UGDH: variants seen among roughly 807,000 people sequenced by gnomAD.
UGDH encodes the protein UDP-glucose 6-dehydrogenase, also known as UDP-Glc dehydrogenase.
A neutral mutation model predicts 50.6 loss-of-function variants in UGDH; 38 were observed. The ratio of observed to expected loss-of-function variants is 0.75; its 90% CI spans 0.58 to 0.98. UGDH has a LOEUF of 0.98. Among genes scored for constraint, UGDH ranks in the 50% least tolerant of loss-of-function variants. UGDH has a pLI of 0.00. For missense variants in UGDH, 465 were observed against 606.2 expected (o/e 0.77, Z 2.45); for synonymous variants, 168 against 199.9 (o/e 0.84, Z 1.35).
In UGDH at chr4:39,510,811, A is replaced by C; in HGVS notation, c.315T>G (p.Asp105Glu). Residue 105 changes from aspartate to glutamate, a missense_variant, in exon 4 of 12, where the codon GAT becomes GAG. Transcript: ENST00000316423. ...TAGCACAAGCTTCAATATACTTCAG[A>C]TCTGCTGCCCGGCCTTTCCCCATTC... Reference protein sequence around the residue: ...TYGMGKGRAADLKYIEACARR... With the variant: ...TYGMGKGRAAELKYIEACARR... The C allele has an allele frequency of 6.2e-7, 1 of 1,614,160 alleles. No homozygotes were observed. The highest frequency in any genetic ancestry group is 8.5e-7 in the Non-Finnish European group (1 of 1,180,036).
chr4:39,513,745 C>T (rs1313566588), intron 3 of UGDH, among the ~76,000 whole-genome samples: 1 of 149,398 alleles, frequency 6.7e-6, no homozygotes. Context: ...CCATGTTGGC[C>T]AGGATGGTCT....
intron 1 of UGDH, among the ~76,000 whole-genome samples, chr4:39,524,087 A>G (rs926750960): frequency 2.6e-5 from 4 of 152,192 alleles, no homozygotes; most frequent in Admixed American, 6.5e-5. Context: ...AACCCAGTAT[A>G]TCTAGAATAC....
intron 7 of UGDH, among the ~76,000 whole-genome samples, chr4:39,506,622 G>A (rs1578266179): frequency 6.6e-6 from 1 of 152,168 alleles, no homozygotes; most frequent in African/African-American, 2.4e-5. Flanking sequence ...AATGTTATAA[G>A]AGTCTCTGAT....
At position 39,510,317 on chromosome 4, in the gene UGDH, T is replaced by A. The variant is rs551600129; in HGVS notation, c.663+36A>T. 6 of 1,602,130 alleles carry A rather than the reference T, an allele frequency of 3.7e-6. No homozygotes were observed. The South Asian group carries it at 5.5e-5, about 15-fold the overall frequency. ...GGCTTGAAATAAATAAATATTTGGC[T>A]TTAATTTAATGAAGAGTTGAATGCT... On this transcript the variant is annotated intron_variant, in intron 5 of 11. Transcript: ENST00000316423.
At position 39,503,847 on chromosome 4, in the gene UGDH, A is replaced by G. The variant is rs142519584; in HGVS notation, c.1374+28T>C. 9.3e-5 allele frequency: 149 copies of G among 1,598,238 alleles called. No homozygotes were observed. The African/African-American group carries it at 1.8e-3, about 20-fold the overall frequency. ...CAAACACTAAAGACCAAACAAAAAGAAAAAAAACAATCCAGGATCATGATT... is the reference window on the plus strand; with the variant it reads ...CAAACACTAAAGACCAAACAAAAAGGAAAAAAACAATCCAGGATCATGATT... On this transcript the variant is annotated intron_variant, in intron 11 of 11. Coordinates refer to ENST00000316423, the MANE Select transcript of UGDH (RefSeq NM_003359.4).
chr4:39,509,892 G>T lies in UGDH; in HGVS notation c.679C>A (p.Leu227Ile). The T allele has an allele frequency of 6.3e-7, 1 of 1,580,138 alleles. No homozygotes were observed. Residue 227 changes from leucine (L) to isoleucine (I), a missense_variant, in exon 6 of 12, where the codon CTT (leucine) becomes ATT (isoleucine). Leu to Ile is a conservative substitution (Grantham distance 5, BLOSUM62 2). Coordinates refer to ENST00000316423, the MANE Select transcript of UGDH (RefSeq NM_003359.4). Reference sequence around the variant, plus strand: ...TTAATGCTGCTTATTCTCTGGGCAAGAAAAGCATTTGCTGCCTTAAAAAAA... The same window carrying T: ...TTAATGCTGCTTATTCTCTGGGCAATAAAAGCATTTGCTGCCTTAAAAAAA... ...ELSKLAANAF[L>I]AQRISSINSI...
At chr4:39,503,221 G>A (rs1745895175) in intron 11 of UGDH, among the ~76,000 whole-genome samples, 1 of 151,884 alleles carries the variant, frequency 6.6e-6, no homozygotes, top group African/African-American at 2.4e-5. Flanking sequence ...AGCAATTTTT[G>A]TATTTGTTAA....
At position 39,521,025 on chromosome 4, in the gene UGDH, G is replaced by A. The variant is rs1258793190; in HGVS notation, c.162+326C>T. Among the ~76,000 whole-genome samples, 13 of 145,910 alleles carry A rather than the reference G, an allele frequency of 8.9e-5. No individual in the cohort carries two copies. In the East Asian group the frequency reaches 2.6e-3, roughly 29 times the overall value. ...GTGGGTGTTGCCGTGAGCTGAGCTC[G>A]CGTCATTGCACTCCAGCCTGGGCGA... On this transcript the variant is annotated intron_variant, in intron 2 of 11. Transcript: ENST00000316423.
At position 39,505,717 on chromosome 4, in the gene UGDH, C is replaced by T. The variant is rs1317015589; in HGVS notation, c.938G>A (p.Arg313Lys). The change falls in exon 8 of 12, where the codon AGG becomes AAG. Residue 313 changes from arginine (R) to lysine (K), a missense_variant. Physicochemically the swap from Arg to Lys is conservative, Grantham distance 26 (BLOSUM62 2). Coordinates refer to ENST00000316423, the MANE Select transcript of UGDH (RefSeq NM_003359.4). ...ACTATCTATGATCCGGGAAGCAAACCTCCTCCTCTGGTAGTCATTCATGTC... is the reference window on the plus strand; with the variant it reads ...ACTATCTATGATCCGGGAAGCAAACTTCCTCCTCTGGTAGTCATTCATGTC... Reference protein sequence around the residue: ...VIDMNDYQRRRFASRIIDSLF... With the variant: ...VIDMNDYQRRKFASRIIDSLF... The T allele has an allele frequency of 2.1e-5, 34 of 1,608,748 alleles. No individual in the cohort carries two copies. Among genetic ancestry groups the T allele is most frequent in the Non-Finnish European group, 2.9e-5 (34 of 1,177,132 alleles).
chr4:39,515,508 A>T (rs187244735), intron 2 of UGDH, among the ~76,000 whole-genome samples: 21 of 152,078 alleles, frequency 1.4e-4, no homozygotes, highest in African/African-American at 5.1e-4. Context: ...TTAAAAAAAA[A>T]ATCCCAGTTT....
At chr4:39,514,339 C>T (rs1213933422) in intron 2 of UGDH, among the ~76,000 whole-genome samples, 155 bp from the exon 3 acceptor site, 2 of 152,160 alleles carry the variant, frequency 1.3e-5, no homozygotes, top group Non-Finnish European at 2.9e-5. Flanking sequence ...AGTTAAGGAT[C>T]ATATACCAAA....
intron 2 of UGDH, among the ~76,000 whole-genome samples, chr4:39,518,900 G>A (rs1746536041): frequency 1.3e-5 from 2 of 152,138 alleles, no homozygotes; most frequent in Admixed American, 1.3e-4. Flanking sequence ...ATTCTGATGG[G>A]TGTCATTATT....
intron 3 of UGDH, among the ~76,000 whole-genome samples, chr4:39,511,371 C>G (rs576776606): frequency 2.6e-5 from 4 of 151,856 alleles, no homozygotes; most frequent in Non-Finnish European, 5.9e-5. Flanking sequence ...AGCGATTCTC[C>G]TGCCTCAGCC....
intron 3 of UGDH, among the ~76,000 whole-genome samples, chr4:39,513,355 A>G (rs1746315736): frequency 6.6e-6 from 1 of 152,158 alleles, no homozygotes. Context: ...TCTAACCAAC[A>G]TATGCCAAGT....
intron 3 of UGDH, among the ~76,000 whole-genome samples, chr4:39,511,265 C>CTT (rs200878844): frequency 0.013 from 1,833 of 141,626 alleles, 33 homozygotes; most frequent in African/African-American, 0.044. Context: ...GTTTTAAAGT[C>CTT]TTTTTTTTTT....
At chr4:39,514,030 T>C in intron 3 of UGDH, 53 bp downstream of exon 3, 1 of 1,426,052 alleles carries the variant, frequency 7.0e-7, no homozygotes, top group East Asian at 2.3e-5. Context: ...ATGATGAAAC[T>C]TTTATATAGA....
At chr4:39,512,302 TA>T (rs1403765711) in intron 3 of UGDH, among the ~76,000 whole-genome samples, 2 of 152,274 alleles carry the variant, frequency 1.3e-5, no homozygotes, top group African/African-American at 4.8e-5. Context: ...AATGGGAGAC[TA>T]AATAAAGGAA....
In UGDH at chr4:39,516,216, G is replaced by A. The variant is rs112483025; in HGVS notation, c.163-2032C>T. On this transcript the variant is annotated intron_variant, in intron 2 of 11. Transcript: ENST00000316423. ...GGAGGATCACCTGAGCCCAGGAGGCGGAGGTTGCAGTGAGCCAAGATCGGG... is the reference window on the plus strand; with the variant it reads ...GGAGGATCACCTGAGCCCAGGAGGCAGAGGTTGCAGTGAGCCAAGATCGGG... 9.8e-3 allele frequency among the ~76,000 whole-genome samples: 1,484 copies of A among 152,170 alleles called. 22 individuals are homozygous for A. The highest frequency in any genetic ancestry group is 0.032 in the African/African-American group (1,340 of 41,490).
intron 7 of UGDH, among the ~76,000 whole-genome samples, chr4:39,507,775 T>C (rs761631873): frequency 1.3e-5 from 2 of 151,968 alleles, no homozygotes; most frequent in East Asian, 3.8e-4. Flanking sequence ...TAGTGAGACC[T>C]TGTCTCTACA....
Sources: gnomAD v4.1 joint callset for allele counts (sites outside exome capture counted in the v4.1 genomes callset) on GRCh38, gnomAD v4.1.1 for gene constraint, MANE v1.5 for transcripts, NCBI Gene and HGNC (gene_info 2026-07-23, HGNC 2026-07-21) for gene names.